CLCA1: variants seen among roughly 807,000 people sequenced by gnomAD.
CLCA1 encodes the protein calcium-activated chloride channel regulator 1.
A neutral mutation model predicts 85.6 loss-of-function variants in CLCA1; 59 were observed. The ratio of observed to expected loss-of-function variants is 0.69; its 90% CI spans 0.56 to 0.86. The LOEUF is 0.86. Among genes scored for constraint, CLCA1 ranks in the 40% least tolerant of loss-of-function variants. The probability of loss-of-function intolerance (pLI) is 0.00; values close to 1 mark genes in which losing one functional copy is unlikely to be tolerated. For synonymous variants in CLCA1, 396 were observed against 398.3 expected, an observed-to-expected ratio of 0.99 and a Z score of 0.07; for missense variants, 1,022 against 1,101.4, an observed-to-expected ratio of 0.93 and a Z score of 1.02.
At chr1:86,498,525 C>A in intron 12 of CLCA1, 47 bp from the exon 13 acceptor site, 2 of 1,587,922 alleles carry the variant, frequency 1.3e-6, no homozygotes, top group South Asian at 1.1e-5. Context: ...GAGGTGTCAC[C>A]ATTTAGTGAT....
chr1:86,491,433 T>A (rs895809965), intron 9 of CLCA1, 62 bp downstream of exon 9: 2 of 1,153,326 alleles, frequency 1.7e-6, no homozygotes, highest in African/African-American at 3.1e-5. Context: ...GATGGAGAAT[T>A]TAATGGCTAA....
At chr1:86,479,441 C>T (rs746626861) in intron 4 of CLCA1, among the ~76,000 whole-genome samples, 30 of 151,942 alleles carry the variant, frequency 2.0e-4, no homozygotes, top group East Asian at 3.9e-4. Flanking sequence ...GTTTATGAAA[C>T]GCTAATCAAA....
At chr1:86,485,873 A>C (rs1044214662) in intron 6 of CLCA1, among the ~76,000 whole-genome samples, 3 of 152,184 alleles carry the variant, frequency 2.0e-5, no homozygotes, top group Admixed American at 2.0e-4. Context: ...GTCTGTTCTC[A>C]TACTGCTATA....
At chr1:86,470,307 G>C (rs1647466323) in intron 1 of CLCA1, among the ~76,000 whole-genome samples, 1 of 152,196 alleles carries the variant, frequency 6.6e-6, no homozygotes, top group Admixed American at 6.5e-5. Context: ...AACCCAAAGA[G>C]GATCAGGCTG....
In CLCA1 at chr1:86,494,297, G is replaced by A. The variant is rs899149911; in HGVS notation, c.1791G>A (p.Thr597=). 3 of 1,614,082 alleles carry A rather than the reference G, an allele frequency of 1.9e-6. No individual in the cohort carries two copies. Among genetic ancestry groups the A allele is most frequent in the Non-Finnish European group, 2.5e-6 (3 of 1,179,992 alleles). Residue 597 remains threonine (T), a synonymous_variant, in exon 11 of 14, where the codon ACG becomes ACA. Transcript: ENST00000394711. ...CTCCAATTACAGTGACTTCCAAAACGAACAAGGACACCAGCAAATTCCCCA... is the reference window on the plus strand; with the variant it reads ...CTCCAATTACAGTGACTTCCAAAACAAACAAGGACACCAGCAAATTCCCCA... ...TLPPITVTSK[T]NKDTSKFPSP...
chr1:86,480,754 G>T (rs187565618), intron 4 of CLCA1, among the ~76,000 whole-genome samples: 301 of 152,344 alleles, frequency 2.0e-3, no homozygotes, highest in African/African-American at 6.9e-3. Context: ...GTTATTGTCA[G>T]CAGGATGAAA....
At chr1:86,489,991 A>T (rs755873431) in intron 8 of CLCA1, among the ~76,000 whole-genome samples, 2 of 152,164 alleles carry the variant, frequency 1.3e-5, no homozygotes, top group Non-Finnish European at 2.9e-5. Flanking sequence ...GAAGGAGGAA[A>T]GGATAGGGCC....
At chr1:86,477,400 T>C (rs1236050518) in intron 4 of CLCA1, among the ~76,000 whole-genome samples, 3 of 152,244 alleles carry the variant, frequency 2.0e-5, no homozygotes, top group African/African-American at 2.4e-5. Flanking sequence ...CCTTGCGCGA[T>C]GTCAGTAGAA....
intron 7 of CLCA1, among the ~76,000 whole-genome samples, chr1:86,487,716 CAG>C (rs1242899475): frequency 6.6e-6 from 1 of 152,156 alleles, no homozygotes; most frequent in Non-Finnish European, 1.5e-5. Context: ...CCCGTTGGAG[CAG>C]AGCCCTGAGC....
At position 86,486,594 on chromosome 1, in the gene CLCA1, G is replaced by T; in HGVS notation, c.1023G>T (p.Gly341=). ...TCCTGCTGCAGACAGTTGAGCTGGG[G>T]TCCTGGGTTGGGATGGTGACATTTG... ...QLFLLQTVEL[G]SWVGMVTFDS... Residue 341 remains glycine (G), a synonymous_variant, in exon 7 of 14, where the codon GGG becomes GGT. Coordinates refer to ENST00000394711, the MANE Select transcript of CLCA1 (RefSeq NM_001285.4). 1 of 1,614,166 alleles carries T rather than the reference G, an allele frequency of 6.2e-7. No homozygotes were observed. Among genetic ancestry groups the T allele is most frequent in the East Asian group, 2.2e-5 (1 of 44,876 alleles).
chr1:86,499,134 A>G (rs933743391), intron 13 of CLCA1, among the ~76,000 whole-genome samples: 5 of 152,186 alleles, frequency 3.3e-5, no homozygotes, highest in Admixed American at 2.6e-4. Flanking sequence ...TGGAGCATAG[A>G]TGTCTGCAGA....
Position 86,469,680 on chromosome 1 carries a change from T to C in CLCA1, c.162+547T>C, listed in dbSNP as rs2753348. ...CAGAGATTTCTTGCTACCTCTTATG[T>C]AGCAGAAGGGAAAGGAAGAAGACTT... On this transcript the variant is annotated intron_variant, in intron 1 of 13. Transcript: ENST00000394711. Among the ~76,000 whole-genome samples the C allele has an allele frequency of 2.1e-3, 317 of 152,290 alleles. 1 individual carries two copies. The highest frequency in any genetic ancestry group is 7.1e-3 in the African/African-American group (297 of 41,554).
Position 86,499,828 on chromosome 1 carries a change from C to T in CLCA1, c.2528C>T (p.Ala843Val), listed in dbSNP as rs777845042. Residue 843 changes from alanine (A) to valine (V), a missense_variant, in exon 14 of 14, where the codon GCT becomes GTT. Ala to Val is a moderately conservative substitution (Grantham distance 64). Coordinates refer to ENST00000394711, the MANE Select transcript of CLCA1 (RefSeq NM_001285.4). ...TFENGTDLFI[A>V]IQAVDKVDLK... is the part of the protein sequence containing the mutation. ...GAAAATGGCACAGATCTTTTCATTGCTATTCAGGCTGTTGATAAGGTCGAT... is the reference window on the plus strand; with the variant it reads ...GAAAATGGCACAGATCTTTTCATTGTTATTCAGGCTGTTGATAAGGTCGAT... 7.4e-6 allele frequency: 12 copies of T among 1,612,726 alleles called. No homozygotes were observed. In the South Asian group the frequency reaches 1.3e-4, roughly 18 times the overall value.
At chr1:86,478,953 C>T (rs932637042) in intron 4 of CLCA1, among the ~76,000 whole-genome samples, 3 of 152,144 alleles carry the variant, frequency 2.0e-5, no homozygotes, top group Admixed American at 6.6e-5. Context: ...CAATCTACCT[C>T]ATATTTAATA....
chr1:86,479,833 C>T (rs2791515), intron 4 of CLCA1, among the ~76,000 whole-genome samples: 52,420 of 151,782 alleles, frequency 0.35, 9,319 homozygotes, highest in Middle Eastern at 0.48. Flanking sequence ...TGCAGTGAGC[C>T]GAGATCATGC....
In CLCA1 at chr1:86,499,736, T is replaced by A. The variant is rs1882753; in HGVS notation, c.2436T>A (p.Thr812=). ...KFNESLQVNT[T]ALIPKEANSE... is the part of the protein sequence containing the mutation. ...ATGAATCTCTTCAAGTGAATACTAC[T>A]GCTCTCATCCCAAAGGAAGCCAACT... Residue 812 remains threonine (T), a synonymous_variant, in exon 14 of 14, where the codon ACT becomes ACA. Coordinates refer to ENST00000394711, the MANE Select transcript of CLCA1 (RefSeq NM_001285.4). 6.2e-7 allele frequency: 1 copy of A among 1,608,546 alleles called. No individual in the cohort carries two copies. The highest frequency in any genetic ancestry group is 8.5e-7 in the Non-Finnish European group (1 of 1,175,124).
chr1:86,497,900 T>C (rs1300257906), intron 12 of CLCA1, among the ~76,000 whole-genome samples: 1 of 152,084 alleles, frequency 6.6e-6, no homozygotes, highest in Non-Finnish European at 1.5e-5. Context: ...CCCAGCACTT[T>C]GGGAGGCTGA....
Position 86,482,401 on chromosome 1 carries a change from C to A in CLCA1, c.735+19C>A. 1 of 1,602,740 alleles carries A rather than the reference C, an allele frequency of 6.2e-7. No individual in the cohort carries two copies. Among genetic ancestry groups the A allele is most frequent in the Admixed American group, 1.7e-5 (1 of 59,204 alleles). On this transcript the variant is annotated intron_variant, in intron 5 of 13. Coordinates refer to ENST00000394711, the MANE Select transcript of CLCA1 (RefSeq NM_001285.4). ...TGATTCTGTAAGTACCTTGTTCTCA[C>A]CCCCTCCCCCAGATTCTTATGAATT...
chr1:86,493,611 GC>G lies in CLCA1; in HGVS notation c.1680+13del, dbSNP rs1648195403. On this transcript the variant is annotated intron_variant, in intron 10 of 13. Coordinates refer to ENST00000394711, the MANE Select transcript of CLCA1 (RefSeq NM_001285.4). ...CAGGCATTGCTAAGGTATGGAGTCA[GC>G]TTTTTTTCTTTCTCATAATTCAACA... 1.3e-6 allele frequency: 2 copies of G among 1,587,302 alleles called. No homozygotes were observed. The highest frequency in any genetic ancestry group is 8.6e-7 in the Non-Finnish European group (1 of 1,157,698).
Sources: allele counts gnomAD v4.1 joint callset (sites outside exome capture counted in the v4.1 genomes callset), GRCh38; gene constraint gnomAD v4.1.1; transcripts MANE v1.5; gene names NCBI Gene and HGNC (gene_info 2026-07-23, HGNC 2026-07-21).